ARHGAP28: variants seen among roughly 807,000 people sequenced by gnomAD.
The protein encoded by ARHGAP28 is rho GTPase-activating protein 28.
In ARHGAP28, 56 loss-of-function variants were observed where a neutral mutation model predicts 90.7. The ratio of observed to expected loss-of-function variants is 0.62; its 90% CI spans 0.50 to 0.77. The LOEUF is 0.77. Ranked by LOEUF, ARHGAP28 falls within the 30% of genes least tolerant of loss-of-function variation. The pLI, the probability that ARHGAP28 is intolerant of heterozygous loss-of-function variation, is 0.00. For synonymous variants in ARHGAP28, 308 were observed against 323.3 expected (o/e 0.95, Z 0.51); for missense variants, 869 against 900.9 (o/e 0.96, Z 0.45).
At chr18:6,802,991 A>G (rs1171093755) in intron 1 of ARHGAP28, among the ~76,000 whole-genome samples, 1 of 152,096 alleles carries the variant, frequency 6.6e-6, no homozygotes, top group Non-Finnish European at 1.5e-5. Context: ...CTTTTAATGT[A>G]TTCTATAAGA....
Position 6,912,883 on chromosome 18 carries a change from T to C in ARHGAP28, c.*729T>C, listed in dbSNP as rs1031308449. 3.3e-5 allele frequency: 5 copies of C among 152,222 alleles called. No homozygotes were observed. Among genetic ancestry groups the C allele is most frequent in the African/African-American group, 4.8e-5 (2 of 41,468 alleles). The allele number at this position is 152,222 out of a possible 1,614,324, so 9.4% of individuals were successfully genotyped here. On this transcript the variant is annotated 3_prime_UTR_variant, in exon 18 of 18. Transcript: ENST00000383472. ...TAGTGAAGCTTAGTTTGACAAAGGG[T>C]GTCATATGCTTTCCTAACCTGATTT...
At chr18:6,886,877 C>T (rs1215201792) in intron 11 of ARHGAP28, among the ~76,000 whole-genome samples, 1 of 151,798 alleles carries the variant, frequency 6.6e-6, no homozygotes, top group African/African-American at 2.4e-5. Context: ...GGAAGGTCTG[C>T]GAAAGTACTT....
intron 1 of ARHGAP28, among the ~76,000 whole-genome samples, chr18:6,785,070 C>G (rs536392820): frequency 6.6e-6 from 1 of 152,090 alleles, no homozygotes; most frequent in African/African-American, 2.4e-5. Flanking sequence ...CATAAGCTGT[C>G]TTTGGAATTA....
chr18:6,851,186 G>A (rs916706707), intron 4 of ARHGAP28, 60 bp downstream of exon 4: 4 of 1,511,870 alleles, frequency 2.6e-6, no homozygotes, highest in Admixed American at 3.6e-5. Context: ...CTTCAAGATG[G>A]TTGAGCAAAA....
intron 14 of ARHGAP28, among the ~76,000 whole-genome samples, chr18:6,893,395 T>C (rs1186234745): frequency 6.6e-6 from 1 of 152,198 alleles, no homozygotes; most frequent in Non-Finnish European, 1.5e-5. Flanking sequence ...TCCTCTTACT[T>C]AAGCACTCCC....
intron 1 of ARHGAP28, among the ~76,000 whole-genome samples, chr18:6,810,150 C>G (rs929040477): frequency 6.6e-6 from 1 of 152,142 alleles, no homozygotes; most frequent in African/African-American, 2.4e-5. Flanking sequence ...TCCAAAGCAT[C>G]TACCTACAAA....
intron 1 of ARHGAP28, chr18:6,788,458 GT>G (rs1025602204): frequency 7.4e-5 from 11 of 148,368 alleles, no homozygotes; most frequent in East Asian, 2.0e-4. Flanking sequence ...TTTTTTGTTT[GT>G]TTTTTTTTTG....
chr18:6,798,680 G>C (rs947886321), intron 1 of ARHGAP28, among the ~76,000 whole-genome samples: 1 of 152,194 alleles, frequency 6.6e-6, no homozygotes, highest in Admixed American at 6.5e-5. Context: ...TGGACTTCGG[G>C]GACTCAGAGG....
intron 2 of ARHGAP28, among the ~76,000 whole-genome samples, chr18:6,836,361 C>T (rs2056753607): frequency 1.3e-5 from 2 of 151,972 alleles, no homozygotes; most frequent in South Asian, 2.1e-4. Context: ...GGGACCAGAG[C>T]CTCAATTAGG....
chr18:6,847,610 T>TGA (rs1217347368), intron 3 of ARHGAP28, among the ~76,000 whole-genome samples: 5 of 123,672 alleles, frequency 4.0e-5, no homozygotes, highest in South Asian at 2.9e-4. Context: ...CACGAAAGGA[T>TGA]GAGAGAGAGA....
chr18:6,760,923 T>C (rs2056154150), intron 1 of ARHGAP28, among the ~76,000 whole-genome samples: 1 of 152,220 alleles, frequency 6.6e-6, no homozygotes, highest in African/African-American at 2.4e-5. Context: ...ATGTAGAAGT[T>C]GTATATATCC....
At chr18:6,845,141 C>T (rs1181526556) in intron 3 of ARHGAP28, among the ~76,000 whole-genome samples, 1 of 152,200 alleles carries the variant, frequency 6.6e-6, no homozygotes, top group Non-Finnish European at 1.5e-5. Context: ...TGCAGTTGCA[C>T]AGTCGTAGCT....
At chr18:6,804,226 A>G (rs1371940597) in intron 1 of ARHGAP28, among the ~76,000 whole-genome samples, 5 of 152,232 alleles carry the variant, frequency 3.3e-5, no homozygotes, top group African/African-American at 1.2e-4. Context: ...GCTTGTTGGC[A>G]TAAAGTTATT....
intron 2 of ARHGAP28, among the ~76,000 whole-genome samples, chr18:6,828,701 A>C (rs1455091530): frequency 2.0e-5 from 3 of 152,182 alleles, no homozygotes; most frequent in African/African-American, 7.2e-5. Flanking sequence ...ATTGCTTGTG[A>C]AACTAAACAG....
At chr18:6,765,298 T>C (rs1442402226) in intron 1 of ARHGAP28, among the ~76,000 whole-genome samples, 2 of 152,208 alleles carry the variant, frequency 1.3e-5, no homozygotes, top group East Asian at 3.8e-4. Context: ...AGGTTTTAAA[T>C]TATGAATTCA....
intron 9 of ARHGAP28, chr18:6,874,522 C>A (rs1406065728): frequency 1.3e-5 from 2 of 152,130 alleles, no homozygotes; most frequent in Non-Finnish European, 2.9e-5. Flanking sequence ...TCCAGTGGCA[C>A]AATTAAAATT....
intron 3 of ARHGAP28, among the ~76,000 whole-genome samples, chr18:6,848,881 A>G (rs190897440): frequency 2.2e-4 from 33 of 152,198 alleles, no homozygotes; most frequent in Non-Finnish European, 4.0e-4. Context: ...CAGTCTCCCC[A>G]TGGGCAAAAT....
At chr18:6,832,313 A>AT (rs1210554543) in intron 2 of ARHGAP28, among the ~76,000 whole-genome samples, 1 of 151,434 alleles carries the variant, frequency 6.6e-6, no homozygotes, top group African/African-American at 2.4e-5. Flanking sequence ...GACTTATTTT[A>AT]TGGCTCAGAA....
At chr18:6,831,217 T>C (rs140282768) in intron 2 of ARHGAP28, among the ~76,000 whole-genome samples, 35 of 152,296 alleles carry the variant, frequency 2.3e-4, no homozygotes, top group Admixed American at 3.3e-4. Flanking sequence ...TTATTGTCTT[T>C]TCATGCATCT....
Sources: gnomAD v4.1 joint callset for allele counts (sites outside exome capture counted in the v4.1 genomes callset) on GRCh38, gnomAD v4.1.1 for gene constraint, MANE v1.5 for transcripts, NCBI Gene and HGNC (gene_info 2026-07-23, HGNC 2026-07-21) for gene names.